KIRREL3: variants seen among roughly 807,000 people sequenced by gnomAD.
The protein encoded by KIRREL3 is kirre like nephrin family adhesion molecule 3.
Under a neutral mutation model 89.7 loss-of-function variants are expected in KIRREL3, and 36 were observed. The observed-to-expected ratio is 0.40, with a 90% confidence interval of 0.31 to 0.53. The LOEUF (loss-of-function observed/expected upper bound fraction) is 0.53, where lower values mean the gene tolerates loss of function less well. KIRREL3 is among the 20% of genes least tolerant of loss of function. The pLI, the probability that KIRREL3 is intolerant of heterozygous loss-of-function variation, is 0.49. For missense variants in KIRREL3, 864 were observed against 1,056.6 expected, an observed-to-expected ratio of 0.82 and a Z score of 2.53; for synonymous variants, 445 against 441.4, an observed-to-expected ratio of 1.01 and a Z score of -0.10.
rs1944924593 is a variant in KIRREL3, at chr11:126,866,516, AAGG to A, written c.55+133936_55+133938del. On this transcript the variant is annotated intron_variant, in intron 1 of 16. Coordinates refer to ENST00000525144, the MANE Select transcript of KIRREL3 (RefSeq NM_032531.4). Reference sequence around the variant, plus strand: ...GAGGGGGGCCGGGAAGTGCAGGAAGAAGGATGGGGTCCCTGGGGGGGGCTCCAC... The same window carrying A: ...GAGGGGGGCCGGGAAGTGCAGGAAGAATGGGGTCCCTGGGGGGGGCTCCAC... 2.0e-5 allele frequency among the ~76,000 whole-genome samples: 3 copies of A among 152,296 alleles called. No individual in the cohort carries two copies. In the Middle Eastern group the frequency reaches 0.01, roughly 518 times the overall value.
chr11:126,584,926 T>G, intron 1 of KIRREL3, among the ~76,000 whole-genome samples: 1 of 151,904 alleles, frequency 6.6e-6, no homozygotes, highest in East Asian at 1.9e-4. Flanking sequence ...TTTTCTTTTT[T>G]TTTTTATTTT....
chr11:126,880,192 G>A (rs145095285), intron 1 of KIRREL3, among the ~76,000 whole-genome samples: 1 of 152,182 alleles, frequency 6.6e-6, no homozygotes, highest in Admixed American at 6.5e-5. Context: ...TAATTACAAA[G>A]AGCCTGGAAT....
chr11:126,585,094 T>G (rs2134682329), intron 1 of KIRREL3, among the ~76,000 whole-genome samples: 1 of 150,242 alleles, frequency 6.7e-6, no homozygotes, highest in Admixed American at 6.6e-5. Flanking sequence ...TAATTTTTTG[T>G]ATTTTTAGTA....
intron 1 of KIRREL3, among the ~76,000 whole-genome samples, chr11:126,593,902 G>A (rs745861070): frequency 3.5e-4 from 54 of 152,128 alleles, no homozygotes; most frequent in Admixed American, 7.9e-4. Flanking sequence ...GGGGTCCAGT[G>A]GTGCAATACA....
intron 4 of KIRREL3, among the ~76,000 whole-genome samples, chr11:126,512,924 C>G (rs1324649511): frequency 6.6e-6 from 1 of 152,170 alleles, no homozygotes; most frequent in Non-Finnish European, 1.5e-5. Flanking sequence ...ATGGAGAGGG[C>G]GGGCCCTGAG....
chr11:126,925,111 G>GT (rs1491058012), intron 1 of KIRREL3, among the ~76,000 whole-genome samples: 2 of 129,432 alleles, frequency 1.5e-5, no homozygotes. Flanking sequence ...GGGGGGGGGG[G>GT]GCTGTTGGTC....
In KIRREL3 at chr11:126,705,558, C is replaced by T. The variant is rs1947497049; in HGVS notation, c.56-142646G>A. On this transcript the variant is annotated intron_variant, in intron 1 of 16. Transcript: ENST00000525144. The surrounding 1 kb of genome is among the most constrained non-coding windows in gnomAD (Gnocchi z 4.3). Reference sequence around the variant, plus strand: ...AGATACTGGAACCGTGCTTCCTGTACAGCCTGCAGAACTGTGAGCCAATTA... The same window carrying T: ...AGATACTGGAACCGTGCTTCCTGTATAGCCTGCAGAACTGTGAGCCAATTA... Among the ~76,000 whole-genome samples the T allele has an allele frequency of 6.6e-6, 1 of 152,200 alleles. No individual in the cohort carries two copies. The highest frequency in any genetic ancestry group is 2.4e-5 in the African/African-American group (1 of 41,438).
rs982506555 is a variant in KIRREL3, at chr11:126,635,341, C to T, written c.56-72429G>A. Among the ~76,000 whole-genome samples, 6 of 152,200 alleles carry T rather than the reference C, an allele frequency of 3.9e-5. No homozygotes were observed. Among genetic ancestry groups the T allele is most frequent in the African/African-American group, 1.4e-4 (6 of 41,446 alleles). On this transcript the variant is annotated intron_variant, in intron 1 of 16. Transcript: ENST00000525144. The surrounding 1 kb of genome is among the most constrained non-coding windows in gnomAD (Gnocchi z 4.0). ...GTCTCCATGTTTTTCCTCCCTGGTC[C>T]CACATAGGTGAGTGATATATACAGA...
rs1947000734 is a variant in KIRREL3 at position 126,694,328 on chromosome 11, A to C, written c.56-131416T>G. Among the ~76,000 whole-genome samples the C allele has an allele frequency of 6.6e-6, 1 of 152,226 alleles. No individual in the cohort carries two copies. ...TGGGAATCTATTTAAAGTGAATTGC[A>C]CTTTTCCATTGTATCCTAGTGAGCG... On this transcript the variant is annotated intron_variant, in intron 1 of 16. Coordinates refer to ENST00000525144, the MANE Select transcript of KIRREL3 (RefSeq NM_032531.4). The surrounding 1 kb of genome is among the most constrained non-coding windows in gnomAD (Gnocchi z 4.4).
chr11:126,998,934 T>C (rs1224021092), intron 1 of KIRREL3, among the ~76,000 whole-genome samples: 1 of 150,854 alleles, frequency 6.6e-6, no homozygotes, highest in African/African-American at 2.4e-5. Flanking sequence ...TGTGTGTGTG[T>C]GTGTGTGTGT....
rs1013427317 is a variant in KIRREL3, at chr11:126,748,003, G to A, written c.56-185091C>T. On this transcript the variant is annotated intron_variant, in intron 1 of 16. Coordinates refer to ENST00000525144, the MANE Select transcript of KIRREL3 (RefSeq NM_032531.4). The surrounding 1 kb of genome is among the most constrained non-coding windows in gnomAD (Gnocchi z 4.6). ...CTCCATCTGACCCGTGCCTAGCATC[G>A]TGGCCCCTGTAAAGGGCTCTTCCAT... Among the ~76,000 whole-genome samples, 3 of 152,082 alleles carry A rather than the reference G, an allele frequency of 2.0e-5. No homozygotes were observed. The highest frequency in any genetic ancestry group is 1.3e-4 in the Admixed American group (2 of 15,274).
rs1784340 is a variant in KIRREL3, at chr11:126,909,119, C to A, written c.55+91336G>T. ...TGCAGAACCCAGGCGACACAGGGGGCCAACTGTAATTGCAATCTGAATGAC... is the reference window on the plus strand; with the variant it reads ...TGCAGAACCCAGGCGACACAGGGGGACAACTGTAATTGCAATCTGAATGAC... On this transcript the variant is annotated intron_variant, in intron 1 of 16. Transcript: ENST00000525144. The surrounding 1 kb of genome is among the most constrained non-coding windows in gnomAD (Gnocchi z 4.5). 0.58 allele frequency among the ~76,000 whole-genome samples: 87,160 copies of A among 151,322 alleles called. 25,817 individuals carry two copies. The highest frequency in any genetic ancestry group is 0.77 in the Middle Eastern group (221 of 286).
chr11:126,681,609 G>GACACACACAC (rs56325662), intron 1 of KIRREL3, among the ~76,000 whole-genome samples: 51,390 of 150,230 alleles, frequency 0.34, 8,780 homozygotes, highest in South Asian at 0.45. Flanking sequence ...TGTATATACA[G>GACACACACAC]ACACACACAC....
rs907260120 is a variant in KIRREL3 at position 126,796,895 on chromosome 11, C to T, written c.55+203560G>A. 6.6e-6 allele frequency among the ~76,000 whole-genome samples: 1 copy of T among 152,094 alleles called. No individual in the cohort carries two copies. The highest frequency in any genetic ancestry group is 1.5e-5 in the Non-Finnish European group (1 of 68,026). On this transcript the variant is annotated intron_variant, in intron 1 of 16. Coordinates refer to ENST00000525144, the MANE Select transcript of KIRREL3 (RefSeq NM_032531.4). The surrounding 1 kb of genome is among the most constrained non-coding windows in gnomAD (Gnocchi z 5.1). Reference sequence around the variant, plus strand: ...CATGAAAATCTGATTGTTGGCAGAGCCCTCGGACTTAGAAAAAGATCTGCC... The same window carrying T: ...CATGAAAATCTGATTGTTGGCAGAGTCCTCGGACTTAGAAAAAGATCTGCC...
rs1019714382 is a variant in KIRREL3, at chr11:126,989,771, C to T, written c.55+10684G>A. On this transcript the variant is annotated intron_variant, in intron 1 of 16. Transcript: ENST00000525144. The surrounding 1 kb of genome is among the most constrained non-coding windows in gnomAD (Gnocchi z 6.2). ...GGTTCCCCCGGTGTCTCTCCTGCAG[C>T]ATGAAGGCCATTGTTTCCAGGGCCT... Among the ~76,000 whole-genome samples, 3 of 152,176 alleles carry T rather than the reference C, an allele frequency of 2.0e-5. No homozygotes were observed. Among genetic ancestry groups the T allele is most frequent in the African/African-American group, 7.2e-5 (3 of 41,452 alleles).
At position 126,675,516 on chromosome 11, in the gene KIRREL3, C is replaced by G. The variant is rs1379404123; in HGVS notation, c.56-112604G>C. On this transcript the variant is annotated intron_variant, in intron 1 of 16. Transcript: ENST00000525144. ...GAAGTTTGTTATGATAGGATTGAAA[C>G]CTGCAGGCAGCAGTATTAGATAATT... is the stretch of plus-strand genomic sequence containing the variant. 2.0e-5 allele frequency among the ~76,000 whole-genome samples: 3 copies of G among 152,280 alleles called. No individual in the cohort carries two copies. In the East Asian group the frequency reaches 5.8e-4, roughly 29 times the overall value.
chr11:126,627,668 C>T lies in KIRREL3; in HGVS notation c.56-64756G>A, dbSNP rs1943848963. Among the ~76,000 whole-genome samples, 1 of 152,158 alleles carries T rather than the reference C, an allele frequency of 6.6e-6. No individual in the cohort carries two copies. Among genetic ancestry groups the T allele is most frequent in the African/African-American group, 2.4e-5 (1 of 41,432 alleles). The stretch of plus-strand genomic sequence containing the variant: ...TGCCTCAAGCAGCTGTCACTGGGAC[C>T]CTGCGTGGGGCCTGCTGCCTCATTA... On this transcript the variant is annotated intron_variant, in intron 1 of 16. Transcript: ENST00000525144. This position sits in a 1 kb window ranked among gnomAD's most constrained non-coding sequence, Gnocchi z 5.0.
At chr11:126,930,400 G>A (rs995234954) in intron 1 of KIRREL3, among the ~76,000 whole-genome samples, 3 of 152,114 alleles carry the variant, frequency 2.0e-5, no homozygotes, top group Admixed American at 2.0e-4. Flanking sequence ...TCAAAGCATT[G>A]GAATTGGGCT....
At position 126,768,569 on chromosome 11, in the gene KIRREL3, T is replaced by C. The variant is rs1227641399; in HGVS notation, c.56-205657A>G. Among the ~76,000 whole-genome samples, 2 of 152,198 alleles carry C rather than the reference T, an allele frequency of 1.3e-5. No individual in the cohort carries two copies. Among genetic ancestry groups the C allele is most frequent in the African/African-American group, 4.8e-5 (2 of 41,454 alleles). On this transcript the variant is annotated intron_variant, in intron 1 of 16. Transcript: ENST00000525144. The surrounding 1 kb of genome is among the most constrained non-coding windows in gnomAD (Gnocchi z 4.5). ...AAGAAAGAAAAACAGGGGCATGAGC[T>C]AGACAGGGACTGGAGGTGGGTTGGA...
Sources: allele counts gnomAD v4.1 joint callset (sites outside exome capture counted in the v4.1 genomes callset), GRCh38; gene constraint gnomAD v4.1.1; non-coding constraint Gnocchi (gnomAD v3.1); transcripts MANE v1.5; gene names NCBI Gene and HGNC (gene_info 2026-07-23, HGNC 2026-07-21).